The following DSTN variants were observed in gnomAD, a reference collection of about 807,000 sequenced individuals.
The protein encoded by DSTN is destrin.
In DSTN, 10 loss-of-function variants were observed where a neutral mutation model predicts 16.8. That is an observed-to-expected ratio of 0.60 (90% CI 0.37 to 1.01). The LOEUF is 1.01. Ranked by LOEUF, DSTN falls within the 50% of genes least tolerant of loss-of-function variation. The probability of loss-of-function intolerance (pLI) is 0.01; values close to 1 mark genes in which losing one functional copy is unlikely to be tolerated. For synonymous variants in DSTN, 57 were observed against 58.9 expected (o/e 0.97, Z 0.14); for missense variants, 141 against 196.7 (o/e 0.72, Z 1.69).
At chr20:17,578,224 G>A (rs2035301193) in intron 1 of DSTN, among the ~76,000 whole-genome samples, 1 of 152,164 alleles carries the variant, frequency 6.6e-6, no homozygotes, top group Non-Finnish European at 1.5e-5. Flanking sequence ...GATGGGGATC[G>A]TACATTCCAG....
In DSTN at chr20:17,574,870, G is replaced by GTTTTTTTT. The variant is rs533880691; in HGVS notation, c.3+4674_3+4681dup. ...TTTTCTTTTTCTTTTCTTTTCTTTT[G>GTTTTTTTT]TTTTTTTTTTTTTTTTTTTTTTGAG... On this transcript the variant is annotated intron_variant, in intron 1 of 3. Transcript: ENST00000246069. Among the ~76,000 whole-genome samples, 95 of 81,178 alleles carry GTTTTTTTT rather than the reference G, an allele frequency of 1.2e-3. 9 individuals carry two copies. Among genetic ancestry groups the GTTTTTTTT allele is most frequent in the South Asian group, 2.4e-3 (4 of 1,680 alleles). The allele number at this position is 81,178 out of a possible 152,430, so 53.3% of individuals were successfully genotyped here. A position where few individuals can be genotyped will look rare whatever the true frequency, so the allele number is the denominator to read the frequency against.
intron 1 of DSTN, among the ~76,000 whole-genome samples, chr20:17,596,466 T>A (rs756170501): frequency 1.3e-4 from 20 of 152,220 alleles, no homozygotes; most frequent in Non-Finnish European, 2.5e-4. Flanking sequence ...TATATTGCAG[T>A]CTAGTCACTA....
chr20:17,597,855 C>CT lies in DSTN; in HGVS notation c.4-2877dup, dbSNP rs149230832. ...TCATTAGCAGTCACTCCCCATTCCC[C>CT]TTTTTTCTCAACCTCTGGAAACCAC... On this transcript the variant is annotated intron_variant, in intron 1 of 3. Coordinates refer to ENST00000246069, the MANE Select transcript of DSTN (RefSeq NM_006870.4). Among the ~76,000 whole-genome samples the CT allele has an allele frequency of 8.6e-3, 1,306 of 152,286 alleles. 18 individuals are homozygous for CT. Among genetic ancestry groups the CT allele is most frequent in the African/African-American group, 0.03 (1,250 of 41,564 alleles).
intron 1 of DSTN, among the ~76,000 whole-genome samples, chr20:17,589,850 A>G (rs2035451023): frequency 6.6e-6 from 1 of 152,232 alleles, no homozygotes; most frequent in Admixed American, 6.5e-5. Context: ...AGTATCCTAC[A>G]TTCAAATATT....
chr20:17,570,138 G>C lies in DSTN; in HGVS notation c.-71G>C. 1 of 1,512,618 alleles carries C rather than the reference G, an allele frequency of 6.6e-7. No individual in the cohort carries two copies. Among genetic ancestry groups the C allele is most frequent in the South Asian group, 1.2e-5 (1 of 82,582 alleles). 93.7% of individuals were successfully genotyped at this position (1,512,618 alleles called of 1,614,324 possible). A position where few individuals can be genotyped will look rare whatever the true frequency, so the allele number is the denominator to read the frequency against. On this transcript the variant is annotated 5_prime_UTR_variant, in exon 1 of 4. Transcript: ENST00000246069. ...CTGGGTCTCTCGGTCCCGCAGCCGT[G>C]AGGAGGACGGTCTGCATACTCGCTG...
chr20:17,577,836 G>A (rs2122165012), intron 1 of DSTN, among the ~76,000 whole-genome samples: 1 of 152,272 alleles, frequency 6.6e-6, no homozygotes, highest in Admixed American at 6.5e-5. Flanking sequence ...TCTGTATTTA[G>A]ATATGATAAA....
intron 1 of DSTN, among the ~76,000 whole-genome samples, chr20:17,584,145 T>C (rs1050776800): frequency 1.3e-5 from 2 of 152,182 alleles, no homozygotes; most frequent in South Asian, 2.1e-4. Context: ...TACTACACTT[T>C]AAACGGGTAA....
At chr20:17,600,693 C>A in intron 1 of DSTN, 45 bp from the exon 2 acceptor site, 1 of 1,499,896 alleles carries the variant, frequency 6.7e-7, no homozygotes, top group Non-Finnish European at 8.9e-7. Flanking sequence ...ATGTTTGGCA[C>A]AATAAAAATT....
At chr20:17,583,614 C>A (rs2122175491) in intron 1 of DSTN, among the ~76,000 whole-genome samples, 1 of 122,418 alleles carries the variant, frequency 8.2e-6, no homozygotes, top group East Asian at 2.8e-4. Context: ...TGTGTGATTC[C>A]ATTTATACAA....
At chr20:17,590,281 A>G (rs2035455695) in intron 1 of DSTN, among the ~76,000 whole-genome samples, 1 of 152,238 alleles carries the variant, frequency 6.6e-6, no homozygotes, top group Admixed American at 6.5e-5. Context: ...AGTGAGTAGT[A>G]ACATTTTTAA....
Position 17,582,139 on chromosome 20 carries a change from C to T in DSTN, c.3+11928C>T, listed in dbSNP as rs1487728366. 5.5e-5 allele frequency among the ~76,000 whole-genome samples: 8 copies of T among 146,496 alleles called. No individual in the cohort carries two copies. In the East Asian group the frequency reaches 6.1e-4, roughly 11 times the overall value. On this transcript the variant is annotated intron_variant, in intron 1 of 3. Coordinates refer to ENST00000246069, the MANE Select transcript of DSTN (RefSeq NM_006870.4). The stretch of plus-strand genomic sequence containing the variant: ...TGTTGCCCAGGCTGGAGTGCAATAG[C>T]GTGATCTTGGCTCACTGCAACCTCC...
At position 17,609,776 on chromosome 20, in the gene DSTN, C is replaced by T. The variant is rs1386027527; in HGVS notation, c.*2630C>T. ...GGTCAGGAACAAAACTGCAAGTATA[C>T]TCTGTTTCCAGAAAATACGTTTACC... On this transcript the variant is annotated 3_prime_UTR_variant, in exon 4 of 4. Coordinates refer to ENST00000246069, the MANE Select transcript of DSTN (RefSeq NM_006870.4). 6.6e-6 allele frequency: 1 copy of T among 152,212 alleles called. No individual in the cohort carries two copies. The highest frequency in any genetic ancestry group is 1.5e-5 in the Non-Finnish European group (1 of 68,048). 9.4% of individuals were successfully genotyped at this position (152,212 alleles called of 1,614,324 possible).
chr20:17,596,695 A>G (rs1195406530), intron 1 of DSTN: 6 of 985,320 alleles, frequency 6.1e-6, no homozygotes, highest in Non-Finnish European at 7.2e-6. Flanking sequence ...AATTTCCTCA[A>G]GCACAAGTGT....
chr20:17,571,081 A>G (rs546408285), intron 1 of DSTN, among the ~76,000 whole-genome samples: 3 of 152,252 alleles, frequency 2.0e-5, no homozygotes. Context: ...TATATTCTAT[A>G]TGATGGACAT....
chr20:17,578,076 G>A (rs547925435), intron 1 of DSTN, among the ~76,000 whole-genome samples: 2 of 152,338 alleles, frequency 1.3e-5, no homozygotes, highest in South Asian at 2.1e-4. Flanking sequence ...TACTTAATTT[G>A]TAATGGGAAG....
At chr20:17,605,371 G>A (rs1202873588) in intron 3 of DSTN, among the ~76,000 whole-genome samples, 1 of 152,244 alleles carries the variant, frequency 6.6e-6, no homozygotes, top group Non-Finnish European at 1.5e-5. Context: ...TCATGTGTGA[G>A]TTTTAGTTTA....
chr20:17,593,334 C>T (rs543689371), intron 1 of DSTN, among the ~76,000 whole-genome samples: 1 of 152,288 alleles, frequency 6.6e-6, no homozygotes, highest in Admixed American at 6.5e-5. Flanking sequence ...CTTATCTTCT[C>T]CATAAGTCAA....
At chr20:17,577,220 A>T (rs2035288877) in intron 1 of DSTN, among the ~76,000 whole-genome samples, 1 of 152,236 alleles carries the variant, frequency 6.6e-6, no homozygotes, top group South Asian at 2.1e-4. Flanking sequence ...TGGTACCGGA[A>T]GGTACTTAAC....
At chr20:17,581,696 A>G (rs1016705232) in intron 1 of DSTN, among the ~76,000 whole-genome samples, 1 of 152,196 alleles carries the variant, frequency 6.6e-6, no homozygotes, top group African/African-American at 2.4e-5. Context: ...GATCTACCAG[A>G]TATTTGATGG....
Sources: gnomAD v4.1 joint callset for allele counts (sites outside exome capture counted in the v4.1 genomes callset) on GRCh38, gnomAD v4.1.1 for gene constraint, MANE v1.5 for transcripts, NCBI Gene and HGNC (gene_info 2026-07-23, HGNC 2026-07-21) for gene names.